ZNF148: variants seen among roughly 807,000 people sequenced by gnomAD.
The protein encoded by ZNF148 is Beta-Enolase Repressor Factor-1.
A neutral mutation model predicts 67.7 loss-of-function variants in ZNF148; 7 were observed. The ratio of observed to expected loss-of-function variants is 0.10; its 90% CI spans 0.06 to 0.19. ZNF148 has a LOEUF of 0.19. Among genes scored for constraint, ZNF148 ranks in the 10% least tolerant of loss-of-function variants. ZNF148 has a pLI of 1.00. For missense variants in ZNF148, 583 were observed against 947.1 expected (o/e 0.62, Z 5.05); for synonymous variants, 333 against 330.7 (o/e 1.01, Z -0.08).
chr3:125,249,597 A>G (rs1290739433), intron 7 of ZNF148, among the ~76,000 whole-genome samples: 1 of 152,188 alleles, frequency 6.6e-6, no homozygotes, highest in East Asian at 1.9e-4. Context: ...GCCATTATGG[A>G]AAACAGTATG....
At chr3:125,338,702 A>G (rs887543333) in intron 1 of ZNF148, 1 of 151,666 alleles carries the variant, frequency 6.6e-6, no homozygotes, top group Non-Finnish European at 1.5e-5. Flanking sequence ...AGTCAAAAAT[A>G]ACAAGAATGG....
chr3:125,226,437 T>C lies in ZNF148; in HGVS notation c.*5904A>G, dbSNP rs1402754753. 2 of 152,652 alleles carry C rather than the reference T, an allele frequency of 1.3e-5. No individual in the cohort carries two copies. The highest frequency in any genetic ancestry group is 3.8e-4 in the East Asian group (2 of 5,196). The allele number at this position is 152,652 out of a possible 1,614,324, so 9.5% of individuals were successfully genotyped here. ...TTTAAAATGCAGAATTTGCAAATAT[T>C]AGTCTAATAATTCAATTTAAAGTAA... On this transcript the variant is annotated 3_prime_UTR_variant, in exon 9 of 9. Coordinates refer to ENST00000360647, the MANE Select transcript of ZNF148 (RefSeq NM_021964.3).
chr3:125,321,206 G>T (rs979835389), intron 3 of ZNF148, among the ~76,000 whole-genome samples: 14 of 152,160 alleles, frequency 9.2e-5, no homozygotes, highest in African/African-American at 3.1e-4. Context: ...AATTTTTAAA[G>T]TACTACTATT....
At chr3:125,349,219 C>A (rs766384311) in intron 1 of ZNF148, among the ~76,000 whole-genome samples, 2 of 152,146 alleles carry the variant, frequency 1.3e-5, no homozygotes, top group East Asian at 3.8e-4. Context: ...AGCGTAAAAA[C>A]AGACAAGTGA....
chr3:125,270,852 G>A (rs1034241701), intron 7 of ZNF148, among the ~76,000 whole-genome samples: 21 of 152,106 alleles, frequency 1.4e-4, no homozygotes, highest in Non-Finnish European at 3.1e-4. Context: ...CTCCAGCCTA[G>A]GCAACAGAGG....
rs188604284 is a variant in ZNF148 at position 125,371,206 on chromosome 3, G to A, written c.-234+3896C>T. Among the ~76,000 whole-genome samples the A allele has an allele frequency of 5.6e-3, 817 of 146,522 alleles. 6 individuals carry two copies. The highest frequency in any genetic ancestry group is 0.019 in the African/African-American group (771 of 40,288). On this transcript the variant is annotated intron_variant, in intron 1 of 8. Transcript: ENST00000360647. ...CGTCTCTATAAAAAATACAAAAAAA[G>A]TTAGCTGGGAGTGGTGGCTCATGCC...
chr3:125,232,060 T>G lies in ZNF148; in HGVS notation c.*281A>C. On this transcript the variant is annotated 3_prime_UTR_variant, in exon 9 of 9. Coordinates refer to ENST00000360647, the MANE Select transcript of ZNF148 (RefSeq NM_021964.3). This position sits in a 1 kb window ranked among gnomAD's most constrained non-coding sequence, Gnocchi z 4.2. ...TTAGGAAACAATTGTGCGAAAGTCT[T>G]TTTTTTTTCCTTTTTAACTTGGTGT... The G allele has an allele frequency of 3.3e-6, 1 of 301,670 alleles. No individual in the cohort carries two copies. The highest frequency in any genetic ancestry group is 6.1e-6 in the Non-Finnish European group (1 of 163,112). The allele number at this position is 301,670 out of a possible 1,614,324, so 18.7% of individuals were successfully genotyped here.
At chr3:125,354,904 C>T (rs984321719) in intron 1 of ZNF148, among the ~76,000 whole-genome samples, 3 of 152,112 alleles carry the variant, frequency 2.0e-5, no homozygotes, top group Non-Finnish European at 2.9e-5. Flanking sequence ...TCTCACAATG[C>T]GATTATTTAA....
chr3:125,255,819 C>T (rs1937048379), intron 7 of ZNF148, among the ~76,000 whole-genome samples: 1 of 151,964 alleles, frequency 6.6e-6, no homozygotes, highest in African/African-American at 2.4e-5. Context: ...AGCAGCCACT[C>T]TTCTTACTGG....
At chr3:125,326,295 A>G (rs966515413) in intron 2 of ZNF148, among the ~76,000 whole-genome samples, 1 of 152,138 alleles carries the variant, frequency 6.6e-6, no homozygotes, top group African/African-American at 2.4e-5. Context: ...AAAAGACCTA[A>G]GAATGTATAA....
chr3:125,298,346 T>TACACACAC (rs141809192), intron 4 of ZNF148, among the ~76,000 whole-genome samples: 31,216 of 145,616 alleles, frequency 0.21, 3,519 homozygotes, highest in Middle Eastern at 0.26. Context: ...TAAATGTGCA[T>TACACACAC]ACACACACAC....
chr3:125,365,394 T>A (rs1942671500), intron 1 of ZNF148, among the ~76,000 whole-genome samples: 1 of 152,360 alleles, frequency 6.6e-6, no homozygotes, highest in African/African-American at 2.4e-5. Context: ...ATTTAGTTTC[T>A]ATCATTCAAC....
At chr3:125,313,907 A>G (rs1053002484) in intron 3 of ZNF148, among the ~76,000 whole-genome samples, 5 of 152,152 alleles carry the variant, frequency 3.3e-5, no homozygotes, top group African/African-American at 1.2e-4. Context: ...TAAGCCTGAC[A>G]TAAAAACAAA....
Position 125,299,308 on chromosome 3 carries a change from A to C in ZNF148, c.334-11080T>G, listed in dbSNP as rs1283942709. 3.2e-4 allele frequency among the ~76,000 whole-genome samples: 49 copies of C among 152,194 alleles called. 1 individual carries two copies. The highest frequency in any genetic ancestry group is 3.2e-3 in the Admixed American group (49 of 15,274). On this transcript the variant is annotated intron_variant, in intron 4 of 8. Transcript: ENST00000360647. Reference sequence around the variant, plus strand: ...ACTGTCTCACAATTCCAGATGAAGCAATTAGACATCAAAGGTCAGACAGAA... The same window carrying C: ...ACTGTCTCACAATTCCAGATGAAGCCATTAGACATCAAAGGTCAGACAGAA...
intron 1 of ZNF148, chr3:125,344,230 G>C (rs140912425): frequency 1.3e-4 from 44 of 349,060 alleles, no homozygotes; most frequent in Non-Finnish European, 2.1e-4. Flanking sequence ...AGTAGAACCT[G>C]ATATCAATTT....
intron 2 of ZNF148, among the ~76,000 whole-genome samples, chr3:125,329,360 A>T (rs1254853154): frequency 0.46 from 42,747 of 92,672 alleles, 6,789 homozygotes; most frequent in Middle Eastern, 0.54. Flanking sequence ...CATATATAAA[A>T]TTTTTTTTTT....
intron 7 of ZNF148, among the ~76,000 whole-genome samples, chr3:125,271,581 C>T (rs192179259): frequency 6.6e-6 from 1 of 152,300 alleles, no homozygotes; most frequent in African/African-American, 2.4e-5. Context: ...TTGTTATTTA[C>T]CAGTTATACG....
chr3:125,372,915 G>A (rs925867262), intron 1 of ZNF148, among the ~76,000 whole-genome samples: 6 of 152,050 alleles, frequency 3.9e-5, no homozygotes, highest in African/African-American at 7.2e-5. Flanking sequence ...GCAGTGGGCC[G>A]AGATCACGCC....
At chr3:125,263,175 T>G (rs1937418030) in intron 7 of ZNF148, among the ~76,000 whole-genome samples, 1 of 152,240 alleles carries the variant, frequency 6.6e-6, no homozygotes, top group Non-Finnish European at 1.5e-5. Context: ...CTATAGTTGT[T>G]GCACAGAGAT....
Sources: allele counts gnomAD v4.1 joint callset (sites outside exome capture counted in the v4.1 genomes callset), GRCh38; gene constraint gnomAD v4.1.1; non-coding constraint Gnocchi (gnomAD v3.1); transcripts MANE v1.5; gene names NCBI Gene and HGNC (gene_info 2026-07-23, HGNC 2026-07-21).